MOB3B: variants seen among roughly 807,000 people sequenced by gnomAD.
The protein encoded by MOB3B is MOB kinase activator-like 2B.
MOB3B carries 7 observed loss-of-function variants against 18.7 expected under a neutral mutation model. That is an observed-to-expected ratio of 0.37 (90% CI 0.21 to 0.70). The LOEUF is 0.70. Ranked by LOEUF, MOB3B falls within the 30% of genes least tolerant of loss-of-function variation. The pLI is 0.52. For synonymous variants in MOB3B, 111 were observed against 99.9 expected (o/e 1.11, Z -0.66); for missense variants, 253 against 281.3 (o/e 0.90, Z 0.72).
intron 3 of MOB3B, among the ~76,000 whole-genome samples, chr9:27,337,119 A>G (rs1336671303): frequency 6.6e-6 from 1 of 152,192 alleles, no homozygotes; most frequent in East Asian, 1.9e-4. Context: ...ACTGCAGCAG[A>G]AGTACAGAAG....
In MOB3B at chr9:27,493,901, C is replaced by T. The variant is rs1019542262; in HGVS notation, c.-199+35654G>A. Among the ~76,000 whole-genome samples, 10 of 152,176 alleles carry T rather than the reference C, an allele frequency of 6.6e-5. No homozygotes were observed. In the East Asian group the frequency reaches 9.6e-4, roughly 15 times the overall value. On this transcript the variant is annotated intron_variant, in intron 1 of 3. Coordinates refer to ENST00000262244, the MANE Select transcript of MOB3B (RefSeq NM_024761.5). ...AGAGATAACCTTAAACTCTGACCAC[C>T]GGTGAGCCGGGCAGAACAGAGCCAT...
At chr9:27,385,886 G>A (rs1428095285) in intron 2 of MOB3B, among the ~76,000 whole-genome samples, 4 of 152,218 alleles carry the variant, frequency 2.6e-5, no homozygotes, top group African/African-American at 7.2e-5. Flanking sequence ...AGGTTTGGAT[G>A]CTTCTCATGC....
At chr9:27,470,929 C>A (rs1563876717) in intron 1 of MOB3B, among the ~76,000 whole-genome samples, 1 of 152,052 alleles carries the variant, frequency 6.6e-6, no homozygotes, top group Non-Finnish European at 1.5e-5. Flanking sequence ...TTTTCTCTTT[C>A]ACTTTTCCCC....
intron 3 of MOB3B, among the ~76,000 whole-genome samples, chr9:27,348,483 T>C (rs1341583594): frequency 6.6e-6 from 1 of 151,706 alleles, no homozygotes. Flanking sequence ...TGAAACCCCA[T>C]CTCTACTAAA....
intron 3 of MOB3B, among the ~76,000 whole-genome samples, chr9:27,346,047 T>C (rs1365418296): frequency 2.6e-5 from 4 of 152,180 alleles, no homozygotes; most frequent in Non-Finnish European, 5.9e-5. Flanking sequence ...AGGTGGGGCC[T>C]TTTGGGAAGT....
chr9:27,526,903 A>G (rs189665913), intron 1 of MOB3B, among the ~76,000 whole-genome samples: 1 of 152,348 alleles, frequency 6.6e-6, no homozygotes, highest in African/African-American at 2.4e-5. Context: ...GCCTTTGTGC[A>G]TTACTGGGAG....
chr9:27,505,474 A>C (rs576120324), intron 1 of MOB3B, among the ~76,000 whole-genome samples: 10 of 152,362 alleles, frequency 6.6e-5, no homozygotes, highest in African/African-American at 2.4e-4. Context: ...TCATATTAGC[A>C]TAACAAAGAT....
At chr9:27,471,507 G>C (rs1225641433) in intron 1 of MOB3B, among the ~76,000 whole-genome samples, 2 of 152,140 alleles carry the variant, frequency 1.3e-5, no homozygotes, top group Non-Finnish European at 2.9e-5. Context: ...TCTGAGATCA[G>C]ACTGCCCGAT....
chr9:27,330,688 A>G, intron 3 of MOB3B, 72 bp from the exon 4 acceptor site: 1 of 1,603,346 alleles, frequency 6.2e-7, no homozygotes, highest in South Asian at 1.1e-5. Flanking sequence ...AGGATCCTGA[A>G]AATGCTCTTG....
intron 2 of MOB3B, among the ~76,000 whole-genome samples, chr9:27,432,625 T>C (rs1822434000): frequency 6.6e-6 from 1 of 152,188 alleles, no homozygotes; most frequent in Non-Finnish European, 1.5e-5. Flanking sequence ...TCCTTTTCCA[T>C]AATAGAACGT....
At chr9:27,414,472 C>G (rs1337326036) in intron 2 of MOB3B, among the ~76,000 whole-genome samples, 1 of 152,180 alleles carries the variant, frequency 6.6e-6, no homozygotes, top group Non-Finnish European at 1.5e-5. Flanking sequence ...AGTGGGATGA[C>G]CCTGAGGATT....
At chr9:27,343,769 C>T (rs1162035893) in intron 3 of MOB3B, among the ~76,000 whole-genome samples, 3 of 144,524 alleles carry the variant, frequency 2.1e-5, no homozygotes, top group Non-Finnish European at 3.0e-5. Flanking sequence ...GGTTTGCTCT[C>T]AATATAAGAG....
chr9:27,359,132 C>A lies in MOB3B; in HGVS notation c.523G>T (p.Val175Leu). 6.2e-7 allele frequency: 1 copy of A among 1,614,096 alleles called. No homozygotes were observed. The highest frequency in any genetic ancestry group is 8.5e-7 in the Non-Finnish European group (1 of 1,180,036). Residue 175 changes from valine (V) to leucine (L), a missense_variant, in exon 3 of 4, where the codon GTG becomes TTG. Transcript: ENST00000262244. ...TTGACATGGGCCTCTGCACCCATCA[C>A]AATGACCCGGTCGAAGTGGTGGATA... is the stretch of plus-strand genomic sequence containing the variant. The part of the protein sequence containing the change: ...VYIHHFDRVI[V>L]MGAEAHVNTC...
intron 1 of MOB3B, 26 bp from the exon 2 acceptor site, chr9:27,455,774 A>C: frequency 7.1e-7 from 1 of 1,415,054 alleles, no homozygotes; most frequent in Non-Finnish European, 9.2e-7. Flanking sequence ...AAAAGGGAAC[A>C]CATGAGTGCC....
chr9:27,482,346 T>C (rs911870664), intron 1 of MOB3B, among the ~76,000 whole-genome samples: 11 of 152,184 alleles, frequency 7.2e-5, no homozygotes, highest in Non-Finnish European at 1.5e-4. Flanking sequence ...CAGGTCTGCT[T>C]ACACCAAGTC....
chr9:27,375,695 T>C (rs145498164), intron 2 of MOB3B, among the ~76,000 whole-genome samples: 1 of 152,212 alleles, frequency 6.6e-6, no homozygotes, highest in African/African-American at 2.4e-5. Context: ...CCTAACCCCA[T>C]TAGAAGAACC....
intron 1 of MOB3B, among the ~76,000 whole-genome samples, chr9:27,466,234 G>A (rs1042591358): frequency 5.3e-5 from 8 of 152,224 alleles, no homozygotes; most frequent in African/African-American, 1.9e-4. Context: ...CAAGTTCAAA[G>A]TTCCACAAAT....
intron 1 of MOB3B, among the ~76,000 whole-genome samples, chr9:27,519,903 G>A (rs1820296674): frequency 6.6e-6 from 1 of 151,854 alleles, no homozygotes; most frequent in South Asian, 2.1e-4. Context: ...GACTGCGTTT[G>A]TCTGAGGATA....
intron 3 of MOB3B, among the ~76,000 whole-genome samples, chr9:27,335,154 T>C (rs2131332899): frequency 6.6e-6 from 1 of 152,376 alleles, no homozygotes; most frequent in Admixed American, 6.5e-5. Context: ...ACTTGATGTT[T>C]ACTAGGGGAC....
Sources: allele counts gnomAD v4.1 joint callset (sites outside exome capture counted in the v4.1 genomes callset), GRCh38; gene constraint gnomAD v4.1.1; transcripts MANE v1.5; gene names NCBI Gene and HGNC (gene_info 2026-07-23, HGNC 2026-07-21).